The following AMMECR1 variants were observed in gnomAD, a reference collection of about 807,000 sequenced individuals.
The protein encoded by AMMECR1 is nuclear protein AMMECR1.
AMMECR1 carries 3 observed loss-of-function variants against 22.5 expected under a neutral mutation model. That is an observed-to-expected ratio of 0.13 (90% CI 0.06 to 0.35). The LOEUF is 0.35. Ranked by LOEUF, AMMECR1 falls within the 10% of genes least tolerant of loss-of-function variation. The pLI, the probability that AMMECR1 is intolerant of heterozygous loss-of-function variation, is 1.00. For synonymous variants in AMMECR1, 130 were observed against 116.7 expected, an observed-to-expected ratio of 1.11 and a Z score of -0.74; for missense variants, 235 against 278.7, an observed-to-expected ratio of 0.84 and a Z score of 1.12.
In AMMECR1 at chrX:110,334,179, G is replaced by A. The variant is rs141836455; in HGVS notation, c.-147-16330C>T. ...GTCCAGCTTACCTCTTTTTCCTTTT[G>A]TTGTTTGTGCTTTTGGTGCCATATT... On this transcript the variant is annotated intron_variant, in intron 2 of 7. Coordinates refer to the AMMECR1 transcript ENST00000372057. Among the ~76,000 whole-genome samples, 328 of 110,414 alleles carry A rather than the reference G, an allele frequency of 3.0e-3. 2 individuals are homozygous for A. The highest frequency in any genetic ancestry group is 1.0e-2 in the African/African-American group (304 of 30,429).
At chrX:110,425,052 A>G (rs1456203384) in intron 2 of AMMECR1, among the ~76,000 whole-genome samples, 1 of 112,103 alleles carries the variant, frequency 8.9e-6, no homozygotes, top group Non-Finnish European at 1.9e-5. Flanking sequence ...TTTCTATGTC[A>G]GAATCCTCTT....
intron 2 of AMMECR1, among the ~76,000 whole-genome samples, chrX:110,379,654 ACACATG>A (rs1356795538): frequency 8.9e-6 from 1 of 112,363 alleles, no homozygotes; most frequent in Admixed American, 9.4e-5. Context: ...TCTTTCACAC[ACACATG>A]CACATGCACA....
chrX:110,439,208 G>C (rs779685868), intron 1 of AMMECR1, among the ~76,000 whole-genome samples: 1 of 111,818 alleles, frequency 8.9e-6, no homozygotes, highest in African/African-American at 3.3e-5. Flanking sequence ...CTGACAAGCC[G>C]GCCAGAGACA....
intron 2 of AMMECR1, among the ~76,000 whole-genome samples, chrX:110,424,960 A>G (rs2068743780): frequency 9.0e-6 from 1 of 111,592 alleles, no homozygotes; most frequent in Admixed American, 9.5e-5. Flanking sequence ...TGACAACAGT[A>G]TTCTCGCTTT....
intron 2 of AMMECR1, among the ~76,000 whole-genome samples, chrX:110,253,309 T>C (rs896088678): frequency 2.7e-5 from 3 of 113,103 alleles, no homozygotes; most frequent in African/African-American, 9.6e-5. Context: ...GATATAAGGA[T>C]TGACACCAAC....
At chrX:110,198,803 C>G (rs927333976) in intron 5 of AMMECR1, among the ~76,000 whole-genome samples, 169 bp from the exon 6 acceptor site, 1 of 111,555 alleles carries the variant, frequency 9.0e-6, no homozygotes, top group Non-Finnish European at 1.9e-5. Context: ...AAGCTAAGAT[C>G]AGAACTTGGA....
At chrX:110,357,442 C>T (rs140884838) in intron 2 of AMMECR1, among the ~76,000 whole-genome samples, 245 of 112,294 alleles carry the variant, frequency 2.2e-3, no homozygotes, top group Middle Eastern at 4.6e-3. Flanking sequence ...TGCAAGCACA[C>T]TCATTAGTGA....
chrX:110,228,013 T>C (rs2067543006), intron 2 of AMMECR1, among the ~76,000 whole-genome samples: 1 of 112,129 alleles, frequency 8.9e-6, no homozygotes, highest in African/African-American at 3.2e-5. Flanking sequence ...CATTCCTTGA[T>C]CTGTGTGCTT....
At chrX:110,244,490 G>A (rs1229151768) in intron 2 of AMMECR1, among the ~76,000 whole-genome samples, 1 of 111,917 alleles carries the variant, frequency 8.9e-6, no homozygotes, top group African/African-American at 3.2e-5. Flanking sequence ...TGTCCATAGA[G>A]GTTCGGCTTA....
chrX:110,423,736 G>T (rs1473583894), intron 2 of AMMECR1, among the ~76,000 whole-genome samples: 2 of 112,486 alleles, frequency 1.8e-5, no homozygotes, highest in Admixed American at 9.3e-5. Context: ...TCCAGCAACT[G>T]TGTAGCTATG....
intron 1 of AMMECR1, among the ~76,000 whole-genome samples, chrX:110,303,016 T>C (rs1434227924): frequency 8.9e-6 from 1 of 111,928 alleles, no homozygotes; most frequent in African/African-American, 3.3e-5. Context: ...AGAAAATGAA[T>C]GGACCTGAGG....
chrX:110,229,384 C>T (rs928781457), intron 2 of AMMECR1, among the ~76,000 whole-genome samples: 1 of 112,170 alleles, frequency 8.9e-6, no homozygotes, highest in Non-Finnish European at 1.9e-5. Context: ...GAGATAAGCA[C>T]ATGGGGTAAT....
chrX:110,273,020 A>G (rs906097166), intron 1 of AMMECR1, among the ~76,000 whole-genome samples: 2 of 112,077 alleles, frequency 1.8e-5, no homozygotes, highest in Non-Finnish European at 3.8e-5. Context: ...TCCTTTTGGT[A>G]GATACCCAGT....
At chrX:110,295,048 G>T (rs2067928161) in intron 1 of AMMECR1, among the ~76,000 whole-genome samples, 2 of 110,697 alleles carry the variant, frequency 1.8e-5, no homozygotes, top group African/African-American at 6.6e-5. Flanking sequence ...AGACTCAGCA[G>T]TTTTATTGAT....
At chrX:110,269,573 GTTC>G (rs1457067778) in intron 1 of AMMECR1, among the ~76,000 whole-genome samples, 1 of 110,477 alleles carries the variant, frequency 9.1e-6, no homozygotes, top group Non-Finnish European at 1.9e-5. Context: ...AACTTGTTCT[GTTC>G]TTCTGCCATC....
At chrX:110,222,617 T>A (rs1602792003) in intron 2 of AMMECR1, among the ~76,000 whole-genome samples, 1 of 97,260 alleles carries the variant, frequency 1.0e-5, no homozygotes, top group Non-Finnish European at 2.1e-5. Flanking sequence ...ATTATCCAAT[T>A]CTGGAAAAAA....
Position 110,364,375 on chromosome X carries a change from C to T in AMMECR1, c.-147-46526G>A, listed in dbSNP as rs190777332. 1.3e-4 allele frequency among the ~76,000 whole-genome samples: 15 copies of T among 111,176 alleles called. No homozygotes were observed. In the East Asian group the frequency reaches 2.0e-3, roughly 15 times the overall value. On this transcript the variant is annotated intron_variant, in intron 2 of 7. Coordinates refer to the AMMECR1 transcript ENST00000372057. The stretch of plus-strand genomic sequence containing the variant: ...TCCAGTTGGATGTAACTTTTGGGGG[C>T]GGTGACACAATTCAACCCACTATGT...
At chrX:110,407,179 C>T (rs1045899613) in intron 2 of AMMECR1, among the ~76,000 whole-genome samples, 1 of 112,328 alleles carries the variant, frequency 8.9e-6, no homozygotes, top group African/African-American at 3.2e-5. Flanking sequence ...AATTCTGCTT[C>T]CCCATCCTGG....
chrX:110,402,508 G>C (rs2068571996), intron 2 of AMMECR1, among the ~76,000 whole-genome samples: 1 of 112,944 alleles, frequency 8.9e-6, no homozygotes, highest in South Asian at 3.6e-4. Flanking sequence ...CATGGATGGG[G>C]TATGTGAGTG....
Sources: allele counts gnomAD v4.1 joint callset (sites outside exome capture counted in the v4.1 genomes callset), GRCh38; gene constraint gnomAD v4.1.1; transcripts MANE v1.5; gene names NCBI Gene and HGNC (gene_info 2026-07-23, HGNC 2026-07-21).